The following CHERP variants were observed in gnomAD, a reference collection of about 807,000 sequenced individuals.
The protein encoded by CHERP is ERPROT 213-21.
CHERP carries 8 observed loss-of-function variants against 113.8 expected under a neutral mutation model. That is an observed-to-expected ratio of 0.07 (90% confidence interval 0.04 to 0.13). The LOEUF is 0.13. Ranked by LOEUF, CHERP falls within the 10% of genes least tolerant of loss-of-function variation. The pLI, the probability that CHERP is intolerant of heterozygous loss-of-function variation, is 1.00. For missense variants in CHERP, 884 were observed against 1,298.2 expected, an observed-to-expected ratio of 0.68 and a Z score of 4.90; for synonymous variants, 559 against 524.5, an observed-to-expected ratio of 1.07 and a Z score of -0.90.
intron 3 of CHERP, among the ~76,000 whole-genome samples, chr19:16,534,407 G>A (rs563172737): frequency 8.5e-5 from 13 of 152,254 alleles, no homozygotes; most frequent in East Asian, 1.9e-4. Context: ...AGTACTGAGC[G>A]TGGGGTTGGT....
intron 1 of CHERP, 151 bp downstream of exon 1, chr19:16,542,203 C>G: frequency 9.4e-7 from 1 of 1,065,520 alleles, no homozygotes; most frequent in Non-Finnish European, 1.3e-6. Flanking sequence ...ACACGCTCGC[C>G]GGGAATGCGG....
chr19:16,524,755 AAAAGT>A (rs1489606809), intron 10 of CHERP, among the ~76,000 whole-genome samples: 1 of 151,788 alleles, frequency 6.6e-6, no homozygotes, highest in African/African-American at 2.4e-5. Context: ...TTTAAAAAAG[AAAAGT>A]AGTTTTTTGT....
Position 16,535,435 on chromosome 19 carries a change from A to C in CHERP, c.384+17T>G. On this transcript the variant is annotated intron_variant, in intron 3 of 16. Transcript: ENST00000546361. This position sits in a 1 kb window ranked among gnomAD's most constrained non-coding sequence, Gnocchi z 4.3. The stretch of plus-strand genomic sequence containing the variant: ...GGGAGCTGCTGGTGTCTGGCCGAGG[A>C]GGCGGCGGGCCCATACCTGTCTGAG... The C allele has an allele frequency of 9.4e-6, 15 of 1,604,034 alleles. No individual in the cohort carries two copies. The highest frequency in any genetic ancestry group is 1.3e-5 in the African/African-American group (1 of 74,850).
rs2085693970 is a variant in CHERP at position 16,530,569 on chromosome 19, G to A, written c.876+16C>T. ...CCCAGCTCTAGGGTGAGGTGTGGGT[G>A]GGCAGGGACACTCACCTGGTACTGA... On this transcript the variant is annotated intron_variant, in intron 7 of 16. Coordinates refer to ENST00000546361, the MANE Select transcript of CHERP (RefSeq NM_006387.6). The surrounding 1 kb of genome is among the most constrained non-coding windows in gnomAD (Gnocchi z 4.1). The A allele has an allele frequency of 1.2e-6, 2 of 1,610,888 alleles. No individual in the cohort carries two copies. The highest frequency in any genetic ancestry group is 1.7e-6 in the Non-Finnish European group (2 of 1,177,280).
intron 12 of CHERP, 137 bp downstream of exon 12, chr19:16,521,384 T>C: frequency 1.4e-6 from 1 of 718,276 alleles, no homozygotes; most frequent in Non-Finnish European, 2.2e-6. Flanking sequence ...TGACACACAC[T>C]TGTCACTCAG....
At chr19:16,521,148 T>C in intron 12 of CHERP, 1 of 592,584 alleles carries the variant, frequency 1.7e-6, no homozygotes, top group South Asian at 2.0e-5. Context: ...GCTGAGGTGG[T>C]GGGGACCCAT....
intron 2 of CHERP, among the ~76,000 whole-genome samples, chr19:16,540,239 G>T (rs1328742677): frequency 1.3e-5 from 2 of 150,938 alleles, no homozygotes; most frequent in Non-Finnish European, 3.0e-5. Context: ...AATTTTTTTT[G>T]TATTTTTAGT....
In CHERP at chr19:16,519,852, C is replaced by G; in HGVS notation, c.2463-137G>C. The G allele has an allele frequency of 1.2e-6, 1 of 808,204 alleles. No individual in the cohort carries two copies. Among genetic ancestry groups the G allele is most frequent in the Non-Finnish European group, 2.1e-6 (1 of 474,436 alleles). The allele number at this position is 808,204 out of a possible 1,614,324, so 50.1% of individuals were successfully genotyped here. The stretch of plus-strand genomic sequence containing the variant: ...GACACCGTATGCAGATTTTGCGTCT[C>G]TACCCGTTTATCCTGTCTCAGCTAG... On this transcript the variant is annotated intron_variant, in intron 15 of 16. Transcript: ENST00000546361. This position sits in a 1 kb window ranked among gnomAD's most constrained non-coding sequence, Gnocchi z 6.0.
rs1317686858 is a variant in CHERP, at chr19:16,528,228, G to A, written c.1157C>T (p.Pro386Leu). ...PDDSKPPIQMPGSSEYEAPGG... is the reference protein window; with the variant it reads ...PDDSKPPIQMLGSSEYEAPGG... ...TGGAGCTTCGTACTCTGAAGAGCCA[G>A]GCATCTGGATGGGAGGCTTGCTGTC... is the stretch of plus-strand genomic sequence containing the variant. The change falls in exon 9 of 17, where the codon CCT (proline) becomes CTT (leucine). Residue 386 changes from proline to leucine, a missense_variant. By Grantham distance (98) the Pro-to-Leu change is moderately conservative. Around this residue, in one of 8 missense-constraint regions of CHERP, gnomAD observed 464 missense variants for 590.1 expected, o/e 0.79. Coordinates refer to ENST00000546361, the MANE Select transcript of CHERP (RefSeq NM_006387.6). The A allele has an allele frequency of 1.9e-6, 3 of 1,596,736 alleles. No homozygotes were observed. Among genetic ancestry groups the A allele is most frequent in the East Asian group, 2.2e-5 (1 of 44,704 alleles).
chr19:16,528,375 G>T, intron 8 of CHERP, 120 bp from the exon 9 acceptor site: 1 of 980,550 alleles, frequency 1.0e-6, no homozygotes, highest in Non-Finnish European at 1.5e-6. Flanking sequence ...GATCGCTTCA[G>T]GACCCACTAA....
At position 16,525,525 on chromosome 19, in the gene CHERP, G is replaced by A. The variant is rs774380543; in HGVS notation, c.1458C>T (p.Ala486=). 48 of 1,549,116 alleles carry A rather than the reference G, an allele frequency of 3.1e-5. No homozygotes were observed. In the East Asian group the frequency reaches 5.3e-4, roughly 17 times the overall value. Residue 486 remains alanine (A), a synonymous_variant, in exon 10 of 17, where the codon GCC becomes GCT. Transcript: ENST00000546361. The surrounding 1 kb of genome is among the most constrained non-coding windows in gnomAD (Gnocchi z 6.5). ...GGCCCTCGAACTGGCTGTTCCAGGC[G>A]GCGTCGGGCTGGTTGTTCCAGGGCG... is the stretch of plus-strand genomic sequence containing the variant. ...RDAPWNNQPD[A]AWNSQFEGPW...
chr19:16,541,862 G>A lies in CHERP; in HGVS notation c.199+8C>T. 4 of 1,610,648 alleles carry A rather than the reference G, an allele frequency of 2.5e-6. No individual in the cohort carries two copies. In the South Asian group the frequency reaches 3.3e-5, roughly 13 times the overall value. On this transcript the variant is annotated splice_region_variant and intron_variant, in intron 2 of 16. Coordinates refer to ENST00000546361, the MANE Select transcript of CHERP (RefSeq NM_006387.6). ...GATGGGACGGCCTGAGTGCCGGAGG[G>A]GACTCACGCTGCTGCTGCTCCAGCG...
chr19:16,524,836 G>A (rs545409895), intron 10 of CHERP, among the ~76,000 whole-genome samples: 6 of 151,410 alleles, frequency 4.0e-5, no homozygotes, highest in Admixed American at 3.3e-4. Context: ...ACAGCTCACC[G>A]CAACCTCAGC....
chr19:16,519,894 CGCTG>C lies in CHERP; in HGVS notation c.2463-183_2463-180del. The C allele has an allele frequency of 1.5e-6, 1 of 675,030 alleles. No individual in the cohort carries two copies. The highest frequency in any genetic ancestry group is 2.6e-6 in the Non-Finnish European group (1 of 387,106). The allele number at this position is 675,030 out of a possible 1,614,324, so 41.8% of individuals were successfully genotyped here. Reference sequence around the variant, plus strand: ...CTCAGCTAGATAAGGGGGCTCCAGACGCTGGCCCCCACCCCACGCTCAGCATTGA... The same window carrying C: ...CTCAGCTAGATAAGGGGGCTCCAGACGCCCCCACCCCACGCTCAGCATTGA... On this transcript the variant is annotated intron_variant, in intron 15 of 16. Transcript: ENST00000546361. The surrounding 1 kb of genome is among the most constrained non-coding windows in gnomAD (Gnocchi z 6.0).
At chr19:16,541,845 G>C (rs1406196897) in intron 2 of CHERP, 25 bp downstream of exon 2, 1 of 1,601,480 alleles carries the variant, frequency 6.2e-7, no homozygotes, top group Admixed American at 1.7e-5. Flanking sequence ...TCGATGGGAC[G>C]GCCTGAGTGC....
At position 16,519,912 on chromosome 19, in the gene CHERP, G is replaced by A. The variant is rs1221815787; in HGVS notation, c.2463-197C>T. 7.5e-6 allele frequency: 5 copies of A among 662,376 alleles called. No homozygotes were observed. Among genetic ancestry groups the A allele is most frequent in the Admixed American group, 2.6e-5 (1 of 38,458 alleles). The allele number at this position is 662,376 out of a possible 1,614,324, so 41.0% of individuals were successfully genotyped here. Reference sequence around the variant, plus strand: ...CTCCAGACGCTGGCCCCCACCCCACGCTCAGCATTGAGAGCAGGACACCTC... The same window carrying A: ...CTCCAGACGCTGGCCCCCACCCCACACTCAGCATTGAGAGCAGGACACCTC... On this transcript the variant is annotated intron_variant, in intron 15 of 16. Coordinates refer to ENST00000546361, the MANE Select transcript of CHERP (RefSeq NM_006387.6). This position sits in a 1 kb window ranked among gnomAD's most constrained non-coding sequence, Gnocchi z 6.0.
rs369234961 is a variant in CHERP, at chr19:16,520,322, G to A, written c.2345+42C>T. 7 of 1,610,994 alleles carry A rather than the reference G, an allele frequency of 4.3e-6. No homozygotes were observed. Among genetic ancestry groups the A allele is most frequent in the Non-Finnish European group, 5.9e-6 (7 of 1,177,834 alleles). The stretch of plus-strand genomic sequence containing the variant: ...AGCCAGGCGTCGTGGGGAGGCCACA[G>A]GAAGAGGCCTCAGGCACTGCCCTGA... On this transcript the variant is annotated intron_variant, in intron 14 of 16. Transcript: ENST00000546361. This position sits in a 1 kb window ranked among gnomAD's most constrained non-coding sequence, Gnocchi z 4.0.
At position 16,527,466 on chromosome 19, in the gene CHERP, C is replaced by T. The variant is rs1013025262; in HGVS notation, c.1305+614G>A. ...GACAGGGAGTCACCTGGAAAGGCCACGCTGCGAAGCCAACCAGGCCCCACG... is the reference window on the plus strand; with the variant it reads ...GACAGGGAGTCACCTGGAAAGGCCATGCTGCGAAGCCAACCAGGCCCCACG... On this transcript the variant is annotated intron_variant, in intron 9 of 16. Coordinates refer to ENST00000546361, the MANE Select transcript of CHERP (RefSeq NM_006387.6). Among the ~76,000 whole-genome samples the T allele has an allele frequency of 5.9e-5, 9 of 152,322 alleles. No individual in the cohort carries two copies. The South Asian group carries it at 1.7e-3, about 28-fold the overall frequency.
At position 16,532,952 on chromosome 19, in the gene CHERP, G is replaced by A. The variant is rs2122274681; in HGVS notation, c.522+59C>T. ...CCTTAGCCCAGATTGGCTACGACAG[G>A]CCCTGCCTCAGGGAGGGACCAAGGG... On this transcript the variant is annotated intron_variant, in intron 4 of 16. Transcript: ENST00000546361. The surrounding 1 kb of genome is among the most constrained non-coding windows in gnomAD (Gnocchi z 4.4). 1 of 1,549,460 alleles carries A rather than the reference G, an allele frequency of 6.5e-7. No homozygotes were observed. The highest frequency in any genetic ancestry group is 1.4e-5 in the African/African-American group (1 of 73,340).
Sources: allele counts gnomAD v4.1 joint callset (sites outside exome capture counted in the v4.1 genomes callset), GRCh38; gene constraint gnomAD v4.1.1; regional missense constraint gnomAD v4.1.1; non-coding constraint Gnocchi (gnomAD v3.1); transcripts MANE v1.5; gene names NCBI Gene and HGNC (gene_info 2026-07-23, HGNC 2026-07-21).